Variants in PTPRK observed in about 807,000 individuals in gnomAD.
PTPRK encodes receptor-type tyrosine-protein phosphatase kappa.
PTPRK carries 75 observed loss-of-function variants against 178.0 expected under a neutral mutation model. The ratio of observed to expected loss-of-function variants is 0.42; its 90% CI spans 0.35 to 0.51. PTPRK has a LOEUF of 0.51. PTPRK is among the 20% of genes least tolerant of loss of function. PTPRK has a pLI of 0.02. For synonymous variants in PTPRK, 637 were observed against 620.6 expected, an observed-to-expected ratio of 1.03 and a Z score of -0.39; for missense variants, 1,441 against 1,797.8, an observed-to-expected ratio of 0.80 and a Z score of 3.59.
chr6:128,017,000 A>G (rs1291222910), intron 13 of PTPRK, among the ~76,000 whole-genome samples: 1 of 152,000 alleles, frequency 6.6e-6, no homozygotes, highest in Non-Finnish European at 1.5e-5. Flanking sequence ...CATATTGTAT[A>G]TATTATGGAG....
Position 128,316,917 on chromosome 6 carries a change from TATA to T in PTPRK, c.495+5119_495+5121del, listed in dbSNP as rs146274190. 9.4e-3 allele frequency among the ~76,000 whole-genome samples: 1,429 copies of T among 152,112 alleles called. 21 individuals carry two copies. Among genetic ancestry groups the T allele is most frequent in the African/African-American group, 0.033 (1,359 of 41,512 alleles). On this transcript the variant is annotated intron_variant, in intron 3 of 29. Transcript: ENST00000368226. The stretch of plus-strand genomic sequence containing the variant: ...TTCTAAGTTTCAAGAAAACAATGAC[TATA>T]ATAATATGAGGGCCTTTCCAACCCA...
Position 128,397,602 on chromosome 6 carries a change from G to A in PTPRK, c.187C>T (p.Gln63Ter). ...TCGGGTGGTAGATAATGAGGCTCTT[G>A]AGCACTAACATGCACCCATTCAAAG... ...DDFEWVHVSA[Q>*]EPHYLPPEMP... Residue 63 changes from glutamine (Q) to a stop codon, truncating the protein, a stop_gained, in exon 2 of 30, where the codon CAA becomes TAA. Transcript: ENST00000368226. LOFTEE classifies it high-confidence loss of function. 1 of 1,613,696 alleles carries A rather than the reference G, an allele frequency of 6.2e-7. No individual in the cohort carries two copies.
chr6:128,205,418 A>T (rs1411314167), intron 6 of PTPRK, among the ~76,000 whole-genome samples: 1 of 152,114 alleles, frequency 6.6e-6, no homozygotes, highest in African/African-American at 2.4e-5. Context: ...CCCTGAACTT[A>T]AAAGTTGAAG....
chr6:127,983,161 G>T, intron 23 of PTPRK, 81 bp downstream of exon 23: 2 of 1,360,512 alleles, frequency 1.5e-6, no homozygotes, highest in East Asian at 2.5e-5. Flanking sequence ...GTTGAGTAGA[G>T]TATATATGAG....
intron 7 of PTPRK, among the ~76,000 whole-genome samples, chr6:128,105,038 T>C (rs1200957777): frequency 6.6e-6 from 1 of 152,200 alleles, no homozygotes; most frequent in East Asian, 1.9e-4. Context: ...TAATTGCCTT[T>C]TATTGTTTCT....
At position 128,331,256 on chromosome 6, in the gene PTPRK, C is replaced by A. The variant is rs1438466503; in HGVS notation, c.224-8946G>T. On this transcript the variant is annotated intron_variant, in intron 2 of 29. Coordinates refer to ENST00000368226, the MANE Select transcript of PTPRK (RefSeq NM_002844.4). ...CAACTATCTATTTGTGTTTCCTGCC[C>A]TGCATTCCCATAGCACTTACATAAT... Among the ~76,000 whole-genome samples the A allele has an allele frequency of 2.0e-5, 3 of 152,100 alleles. No individual in the cohort carries two copies. In the East Asian group the frequency reaches 5.8e-4, roughly 29 times the overall value.
In PTPRK at chr6:128,520,548, G is replaced by A; in HGVS notation, c.-190C>T. The A allele has an allele frequency of 3.5e-6, 2 of 579,174 alleles. No homozygotes were observed. The highest frequency in any genetic ancestry group is 6.2e-6 in the Non-Finnish European group (2 of 321,286). 35.9% of individuals were successfully genotyped at this position (579,174 alleles called of 1,614,324 possible). ...GGGCGAAAGCGTCGCCAGCGTCGCC[G>A]GCCGGCCGCGGCGGCAGCTCTCCAT... is the stretch of plus-strand genomic sequence containing the variant. On this transcript the variant is annotated 5_prime_UTR_variant, in exon 1 of 30. Transcript: ENST00000368226.
At chr6:128,061,040 C>T (rs1562511888) in intron 13 of PTPRK, among the ~76,000 whole-genome samples, 2 of 152,128 alleles carry the variant, frequency 1.3e-5, no homozygotes, top group African/African-American at 4.8e-5. Context: ...GACTCTCACT[C>T]TGTATTTGTC....
intron 3 of PTPRK, among the ~76,000 whole-genome samples, chr6:128,276,625 G>A (rs1051234961): frequency 6.6e-6 from 1 of 152,126 alleles, no homozygotes; most frequent in Admixed American, 6.6e-5. Flanking sequence ...AGTGTAATGT[G>A]ATTCAGTAAA....
At chr6:128,461,073 T>C (rs1335954734) in intron 1 of PTPRK, among the ~76,000 whole-genome samples, 1 of 152,226 alleles carries the variant, frequency 6.6e-6, no homozygotes, top group Non-Finnish European at 1.5e-5. Flanking sequence ...ACATTCATCT[T>C]TTTTCATTTC....
intron 3 of PTPRK, among the ~76,000 whole-genome samples, chr6:128,252,980 C>G (rs1181832593): frequency 6.6e-6 from 1 of 152,114 alleles, no homozygotes; most frequent in Non-Finnish European, 1.5e-5. Context: ...ATTCCTTTTA[C>G]AGTTCAATTC....
chr6:128,294,344 A>G (rs1360265853), intron 3 of PTPRK, among the ~76,000 whole-genome samples: 5 of 151,718 alleles, frequency 3.3e-5, no homozygotes, highest in African/African-American at 1.2e-4. Flanking sequence ...TTTTCTCCCT[A>G]TTTCTCTTGG....
intron 13 of PTPRK, among the ~76,000 whole-genome samples, chr6:128,051,651 T>G (rs1779017374): frequency 6.6e-6 from 1 of 152,172 alleles, no homozygotes; most frequent in Admixed American, 6.5e-5. Context: ...GCTTCTCTCC[T>G]ACCTCACTTT....
chr6:128,100,330 T>G (rs1788583901), intron 7 of PTPRK, among the ~76,000 whole-genome samples: 1 of 152,122 alleles, frequency 6.6e-6, no homozygotes, highest in African/African-American at 2.4e-5. Context: ...AAGACAAATT[T>G]TTTTAAATTA....
intron 1 of PTPRK, among the ~76,000 whole-genome samples, chr6:128,492,041 A>T (rs1055391628): frequency 6.6e-6 from 1 of 152,136 alleles, no homozygotes; most frequent in Non-Finnish European, 1.5e-5. Context: ...CTTCCATATC[A>T]TCAGGTTGCC....
chr6:128,053,228 C>T (rs1779346574), intron 13 of PTPRK, among the ~76,000 whole-genome samples: 1 of 151,962 alleles, frequency 6.6e-6, no homozygotes. Context: ...TTTCTCCCTG[C>T]ACCCCCACAC....
At chr6:128,509,450 C>G (rs542643859) in intron 1 of PTPRK, among the ~76,000 whole-genome samples, 2 of 152,204 alleles carry the variant, frequency 1.3e-5, no homozygotes, top group South Asian at 4.1e-4. Flanking sequence ...CTTAAACATG[C>G]AAATATATGA....
intron 15 of PTPRK, among the ~76,000 whole-genome samples, chr6:128,002,565 T>C (rs1199208920): frequency 6.6e-6 from 1 of 151,910 alleles, no homozygotes; most frequent in East Asian, 1.9e-4. Flanking sequence ...TGTAAAAGCG[T>C]TAATTGTCAT....
chr6:128,315,975 C>A (rs957268926), intron 3 of PTPRK, among the ~76,000 whole-genome samples: 1 of 152,098 alleles, frequency 6.6e-6, no homozygotes, highest in East Asian at 1.9e-4. Flanking sequence ...AAAAACTAGA[C>A]CAATTCCAAT....
Sources: allele counts gnomAD v4.1 joint callset (sites outside exome capture counted in the v4.1 genomes callset), GRCh38; gene constraint gnomAD v4.1.1; transcripts MANE v1.5; gene names NCBI Gene and HGNC (gene_info 2026-07-23, HGNC 2026-07-21).